HSF5: variants seen among roughly 807,000 people sequenced by gnomAD.
HSF5 encodes the protein heat shock factor protein 5.
In HSF5, 5 loss-of-function variants were observed where a neutral mutation model predicts 50.8. That is an observed-to-expected ratio of 0.10 (90% CI 0.05 to 0.21). The LOEUF (loss-of-function observed/expected upper bound fraction) is 0.21, where lower values mean the gene tolerates loss of function less well. Among genes scored for constraint, HSF5 ranks in the 10% least tolerant of loss-of-function variants. HSF5 has a pLI of 1.00. For synonymous variants in HSF5, 307 were observed against 307.4 expected (o/e 1.00, Z 0.02); for missense variants, 564 against 762.6 (o/e 0.74, Z 3.07).
At chr17:58,460,476 TATACACACAC>T (rs1235513834) in intron 4 of HSF5, among the ~76,000 whole-genome samples, 20 of 114,742 alleles carry the variant, frequency 1.7e-4, no homozygotes, top group African/African-American at 6.1e-4. Flanking sequence ...TATACATATA[TATACACACAC>T]ACACACACAC....
At chr17:58,483,285 CAATTAACTATTTT>C (rs1975125391) in intron 1 of HSF5, among the ~76,000 whole-genome samples, 1 of 152,068 alleles carries the variant, frequency 6.6e-6, no homozygotes, top group South Asian at 2.1e-4. Flanking sequence ...GAGTGATGGC[CAATTAACTATTTT>C]AGATGCAGTT....
chr17:58,476,246 C>G, intron 2 of HSF5: 2 of 926,432 alleles, frequency 2.2e-6, no homozygotes, highest in South Asian at 2.7e-5. Context: ...TCTTCATCAT[C>G]ATCATCTTCT....
intron 5 of HSF5, among the ~76,000 whole-genome samples, chr17:58,426,446 A>G (rs558868855): frequency 2.0e-5 from 3 of 152,346 alleles, no homozygotes; most frequent in South Asian, 4.1e-4. Flanking sequence ...ATCAGAGAAG[A>G]TAAGTATTTG....
At chr17:58,431,696 C>T (rs1397165937) in intron 5 of HSF5, among the ~76,000 whole-genome samples, 1 of 152,136 alleles carries the variant, frequency 6.6e-6, no homozygotes. Flanking sequence ...TTCTTGTTTC[C>T]AGCAGAAGAG....
chr17:58,456,973 A>C (rs1374414521), intron 5 of HSF5, among the ~76,000 whole-genome samples: 1 of 152,180 alleles, frequency 6.6e-6, no homozygotes, highest in Non-Finnish European at 1.5e-5. Context: ...AAATGAAAAA[A>C]GGCAGCTGGG....
intron 5 of HSF5, among the ~76,000 whole-genome samples, chr17:58,445,221 A>G (rs755220569): frequency 6.6e-6 from 1 of 152,378 alleles, no homozygotes; most frequent in Admixed American, 6.5e-5. Flanking sequence ...AAAATTAAAA[A>G]TTGGATTAAC....
chr17:58,470,108 T>G (rs2143792455), intron 2 of HSF5, among the ~76,000 whole-genome samples: 1 of 152,320 alleles, frequency 6.6e-6, no homozygotes, highest in African/African-American at 2.4e-5. Context: ...GATAAGTTCC[T>G]ATGGCAACTA....
In HSF5 at chr17:58,421,021, G is replaced by C. The variant is rs1013156839; in HGVS notation, c.*1339C>G. Reference sequence around the variant, plus strand: ...TTTCATATTCCTAGGCTTTCCTTTCGTTTCTGCAGTGCTTAATAGGAGAAC... The same window carrying C: ...TTTCATATTCCTAGGCTTTCCTTTCCTTTCTGCAGTGCTTAATAGGAGAAC... On this transcript the variant is annotated 3_prime_UTR_variant, in exon 6 of 6. Transcript: ENST00000323777. The C allele has an allele frequency of 2.0e-5, 3 of 152,550 alleles. No individual in the cohort carries two copies. The East Asian group carries it at 5.8e-4, about 29-fold the overall frequency. The allele number at this position is 152,550 out of a possible 1,614,324, so 9.4% of individuals were successfully genotyped here.
Position 58,480,090 on chromosome 17 carries a change from T to G in HSF5, c.728A>C (p.Glu243Ala). 6.2e-7 allele frequency: 1 copy of G among 1,614,090 alleles called. No homozygotes were observed. The highest frequency in any genetic ancestry group is 1.1e-5 in the South Asian group (1 of 91,082). ...NSLGMHPGQVETSPTFSDKGV... is the reference protein window; with the variant it reads ...NSLGMHPGQVATSPTFSDKGV... The stretch of plus-strand genomic sequence containing the variant: ...TTTATCTGAAAATGTGGGAGATGTC[T>G]CCACTTGTCCAGGATGCATTCCAAG... The change falls in exon 2 of 6, where the codon GAG (glutamate) becomes GCG (alanine). Residue 243 changes from glutamate (E) to alanine (A), a missense_variant. Glu to Ala is a moderately radical substitution (Grantham distance 107). Coordinates refer to ENST00000323777, the MANE Select transcript of HSF5 (RefSeq NM_001080439.3).
intron 3 of HSF5, among the ~76,000 whole-genome samples, chr17:58,465,624 CAAA>C (rs11309055): frequency 1.1e-4 from 16 of 143,760 alleles, no homozygotes; most frequent in East Asian, 2.0e-4. Context: ...AGATTTTCTC[CAAA>C]AAAAAAAAAA....
In HSF5 at chr17:58,422,201, A is replaced by T. The variant is rs937487400; in HGVS notation, c.*159T>A. 4 of 600,876 alleles carry T rather than the reference A, an allele frequency of 6.7e-6. No individual in the cohort carries two copies. The highest frequency in any genetic ancestry group is 5.6e-5 in the African/African-American group (3 of 53,700). 37.2% of individuals were successfully genotyped at this position (600,876 alleles called of 1,614,324 possible). The stretch of plus-strand genomic sequence containing the variant: ...TGAACTGAACCACTGTAGTACATAC[A>T]AATTCCCAATTCTCAATTAACAAAA... On this transcript the variant is annotated 3_prime_UTR_variant, in exon 6 of 6. Transcript: ENST00000323777.
At chr17:58,463,820 TG>T (rs1372869355) in intron 3 of HSF5, among the ~76,000 whole-genome samples, 1 of 152,266 alleles carries the variant, frequency 6.6e-6, no homozygotes, top group Admixed American at 6.5e-5. Context: ...CTTTGTTTCC[TG>T]GGATTATTTA....
At chr17:58,479,676 T>C (rs961060227) in intron 2 of HSF5, among the ~76,000 whole-genome samples, 1 of 152,158 alleles carries the variant, frequency 6.6e-6, no homozygotes, top group African/African-American at 2.4e-5. Context: ...ATACACACCT[T>C]TATACATCAA....
chr17:58,484,155 A>G (rs1975135699), intron 1 of HSF5, among the ~76,000 whole-genome samples: 2 of 151,972 alleles, frequency 1.3e-5, no homozygotes, highest in South Asian at 4.1e-4. Flanking sequence ...TGGTATAGAC[A>G]GTCCACACCT....
chr17:58,481,283 C>T (rs1399112795), intron 1 of HSF5, among the ~76,000 whole-genome samples: 3 of 152,138 alleles, frequency 2.0e-5, no homozygotes, highest in African/African-American at 7.2e-5. Context: ...CCTGAAGAGT[C>T]TGTTAAAAAT....
intron 5 of HSF5, among the ~76,000 whole-genome samples, chr17:58,451,953 A>AC (rs1974647173): frequency 6.6e-6 from 1 of 151,064 alleles, no homozygotes; most frequent in Admixed American, 6.6e-5. Context: ...GACTTTAAAA[A>AC]AAAAAAAAAA....
chr17:58,422,784 C>T (rs1974244397), intron 5 of HSF5, among the ~76,000 whole-genome samples: 1 of 151,138 alleles, frequency 6.6e-6, no homozygotes, highest in Admixed American at 6.6e-5. Context: ...CAACCTCTGC[C>T]TCCTGGGTTC....
Position 58,462,976 on chromosome 17 carries a change from C to T in HSF5, c.1348G>A (p.Val450Ile). The T allele has an allele frequency of 6.2e-7, 1 of 1,614,236 alleles. No individual in the cohort carries two copies. Among genetic ancestry groups the T allele is most frequent in the Non-Finnish European group, 8.5e-7 (1 of 1,180,032 alleles). ...GGTGACTGTGGTAGAGAGCAGGCAA[C>T]TGCTTGTTCTGTTCCAACCACAAAA... ...MSFVVGTEQA[V>I]ACSLPQSPEY... The change falls in exon 4 of 6, where the codon GTT becomes ATT. Residue 450 changes from valine (V) to isoleucine (I), a missense_variant. Val to Ile is a conservative substitution (Grantham distance 29). Transcript: ENST00000323777.
chr17:58,454,390 GAA>G (rs1974681730), intron 5 of HSF5, among the ~76,000 whole-genome samples: 1 of 152,274 alleles, frequency 6.6e-6, no homozygotes, highest in East Asian at 1.9e-4. Context: ...ATTGAATGAT[GAA>G]AAGTTGAAAG....
Sources: allele counts gnomAD v4.1 joint callset (sites outside exome capture counted in the v4.1 genomes callset), GRCh38; gene constraint gnomAD v4.1.1; transcripts MANE v1.5; gene names NCBI Gene and HGNC (gene_info 2026-07-23, HGNC 2026-07-21).